The following BMAL1 variants were observed in gnomAD, a reference collection of about 807,000 sequenced individuals.
BMAL1 encodes basic helix-loop-helix ARNT-like protein 1.
At chr11:13,321,486 T>A in the BMAL1 span, among the ~76,000 whole-genome samples, 1 of 152,136 alleles carries the variant, frequency 6.6e-6, no homozygotes, top group African/African-American at 2.4e-5. Flanking sequence ...AAAGCCACAG[T>A]TCACCTCCAG....
the BMAL1 span, among the ~76,000 whole-genome samples, chr11:13,289,419 C>T: frequency 2.0e-5 from 3 of 152,104 alleles, no homozygotes; most frequent in South Asian, 2.1e-4. Context: ...TTCTAGGGTA[C>T]ATGTGCACAA....
At chr11:13,381,966 C>T in the BMAL1 span, among the ~76,000 whole-genome samples, 2 of 152,142 alleles carry the variant, frequency 1.3e-5, no homozygotes, top group African/African-American at 4.8e-5. Context: ...GGCTTCCTTT[C>T]CCCATCTCCT....
chr11:13,344,834 G>A, the BMAL1 span, among the ~76,000 whole-genome samples: 1 of 152,214 alleles, frequency 6.6e-6, no homozygotes, highest in Non-Finnish European at 1.5e-5. Flanking sequence ...CATCAGGGCA[G>A]GCACCATGTA....
the BMAL1 span, among the ~76,000 whole-genome samples, chr11:13,372,975 G>A: frequency 1.3e-5 from 2 of 152,210 alleles, no homozygotes; most frequent in Non-Finnish European, 2.9e-5. Context: ...ATAGCATGCT[G>A]TCTGAATCTA....
chr11:13,380,949 G>T, the BMAL1 span: 212 of 532,884 alleles, frequency 4.0e-4, 1 homozygote, highest in African/African-American at 3.5e-3. Context: ...ACACCGATTC[G>T]TATCTGTGGC....
the BMAL1 span, chr11:13,365,559 A>G: frequency 6.2e-7 from 1 of 1,613,792 alleles, no homozygotes; most frequent in Non-Finnish European, 8.5e-7. Context: ...TCTTTGTCTC[A>G]GAGTCTGTCT....
the BMAL1 span, among the ~76,000 whole-genome samples, chr11:13,293,925 A>G: frequency 6.6e-6 from 1 of 152,256 alleles, no homozygotes; most frequent in Admixed American, 6.5e-5. Flanking sequence ...GATAAGATGC[A>G]GTTATAAAAT....
chr11:13,297,735 C>T, the BMAL1 span, among the ~76,000 whole-genome samples: 1 of 152,206 alleles, frequency 6.6e-6, no homozygotes, highest in Non-Finnish European at 1.5e-5. Context: ...TGCTCTCTTC[C>T]CCCTGCTTTC....
chr11:13,319,216 A>G, the BMAL1 span, among the ~76,000 whole-genome samples: 4 of 152,182 alleles, frequency 2.6e-5, no homozygotes, highest in Non-Finnish European at 5.9e-5. Context: ...ACTCCATGTT[A>G]TGGTTGTATG....
the BMAL1 span, among the ~76,000 whole-genome samples, chr11:13,281,454 C>T: frequency 2.0e-5 from 3 of 152,168 alleles, no homozygotes; most frequent in African/African-American, 7.2e-5. Context: ...AAAACTTTGT[C>T]GTGAGTTCCT....
chr11:13,333,567 G>A, the BMAL1 span, among the ~76,000 whole-genome samples: 2 of 152,332 alleles, frequency 1.3e-5, no homozygotes, highest in South Asian at 4.1e-4. Context: ...CATTTTCAAA[G>A]TGACAGAATG....
the BMAL1 span, among the ~76,000 whole-genome samples, chr11:13,291,135 A>G: frequency 3.9e-5 from 6 of 152,350 alleles, no homozygotes; most frequent in African/African-American, 1.4e-4. Flanking sequence ...CTTGTAGTCT[A>G]CTTAAAGGCC....
the BMAL1 span, chr11:13,375,517 G>A: frequency 9.4e-7 from 1 of 1,060,558 alleles, no homozygotes; most frequent in Non-Finnish European, 1.3e-6. Flanking sequence ...CGATGTCGTT[G>A]GAGCTCAAGT....
At chr11:13,370,551 C>T in the BMAL1 span, among the ~76,000 whole-genome samples, 2 of 152,224 alleles carry the variant, frequency 1.3e-5, no homozygotes, top group African/African-American at 4.8e-5. Context: ...ACTTCTGCTT[C>T]ACCACCCCAC....
chr11:13,327,631 G>A, the BMAL1 span, among the ~76,000 whole-genome samples: 4 of 152,142 alleles, frequency 2.6e-5, no homozygotes, highest in Non-Finnish European at 5.9e-5. Flanking sequence ...TGGCTGAATC[G>A]TCTGTGTAAG....
At chr11:13,290,069 A>G in the BMAL1 span, among the ~76,000 whole-genome samples, 1 of 152,116 alleles carries the variant, frequency 6.6e-6, no homozygotes, top group East Asian at 1.9e-4. Context: ...TTTAATGATC[A>G]CCATTCTAAC....
the BMAL1 span, among the ~76,000 whole-genome samples, chr11:13,343,007 A>G: frequency 6.6e-6 from 1 of 152,220 alleles, no homozygotes; most frequent in African/African-American, 2.4e-5. Flanking sequence ...GTTATGCTCC[A>G]GACACCATTC....
chr11:13,322,296 T>C, the BMAL1 span, among the ~76,000 whole-genome samples: 1 of 152,224 alleles, frequency 6.6e-6, no homozygotes, highest in African/African-American at 2.4e-5. Context: ...CAAAACACCT[T>C]CATTAGGTAC....
At chr11:13,354,251 G>A in the BMAL1 span, 3 of 970,316 alleles carry the variant, frequency 3.1e-6, no homozygotes, top group Non-Finnish European at 4.0e-6. Context: ...CACCACTTTT[G>A]AGAGCTCATC....
Sources: gnomAD v4.1 joint callset for allele counts (sites outside exome capture counted in the v4.1 genomes callset) on GRCh38, gnomAD v4.1.1 for gene constraint, MANE v1.5 for transcripts, NCBI Gene and HGNC (gene_info 2026-07-23, HGNC 2026-07-21) for gene names.